CCDC154: variants seen among roughly 807,000 people sequenced by gnomAD.
CCDC154 encodes coiled-coil domain-containing protein 154.
CCDC154 carries 91 observed loss-of-function variants against 87.5 expected under a neutral mutation model. The ratio of observed to expected loss-of-function variants is 1.04; its 90% CI spans 0.88 to 1.24. The LOEUF is 1.24. CCDC154 is among the 50% of genes most tolerant of loss of function. The pLI is 0.00. For missense variants in CCDC154, 903 were observed against 879.2 expected, an observed-to-expected ratio of 1.03 and a Z score of -0.34; for synonymous variants, 418 against 400.4, an observed-to-expected ratio of 1.04 and a Z score of -0.52.
Position 1,436,701 on chromosome 16 carries a change from G to A in CCDC154, c.1401C>T (p.Leu467=), listed in dbSNP as rs1488672237. 1.9e-6 allele frequency: 3 copies of A among 1,550,060 alleles called. No individual in the cohort carries two copies. The highest frequency in any genetic ancestry group is 3.9e-5 in the Admixed American group (2 of 50,986). ...LRGVREKVDG[L]PQQIESVSDK... Reference sequence around the variant, plus strand: ...CTGTGCCTTCGCCCACCTGCTGGGGGAGGCCATCCACCTTCTCCCGCACCC... The same window carrying A: ...CTGTGCCTTCGCCCACCTGCTGGGGAAGGCCATCCACCTTCTCCCGCACCC... Residue 467 remains leucine (L), a synonymous_variant, in exon 12 of 17, where the codon CTC becomes CTT. Coordinates refer to ENST00000389176, the MANE Select transcript of CCDC154 (RefSeq NM_001143980.3).
At chr16:1,437,587 G>C (rs117699424) in intron 11 of CCDC154, 4 of 510,116 alleles carry the variant, frequency 7.8e-6, no homozygotes, top group Non-Finnish European at 1.3e-5. Context: ...GCTCCAGCTC[G>C]GGCCTCACGG....
chr16:1,436,225 G>A, intron 13 of CCDC154, 139 bp from the exon 14 acceptor site: 1 of 838,862 alleles, frequency 1.2e-6, no homozygotes, highest in Non-Finnish European at 1.8e-6. Context: ...CTCCAGTGGG[G>A]AAGGTGGGGG....
intron 11 of CCDC154, chr16:1,437,596 G>C (rs1173889136): frequency 1.9e-6 from 1 of 536,954 alleles, no homozygotes; most frequent in Admixed American, 3.6e-5. Context: ...CGGGCCTCAC[G>C]GGCTGCAGAT....
intron 6 of CCDC154, 29 bp downstream of exon 6, chr16:1,442,377 G>T: frequency 6.5e-7 from 1 of 1,528,636 alleles, no homozygotes; most frequent in South Asian, 1.2e-5. Context: ...CCTCTGGGCG[G>T]CCCCCCTGAA....
chr16:1,435,206 G>A, intron 14 of CCDC154, 31 bp from the exon 15 acceptor site: 1 of 1,540,256 alleles, frequency 6.5e-7, no homozygotes, highest in Non-Finnish European at 8.8e-7. Flanking sequence ...GGCACAGACA[G>A]GGCCAGTCTG....
rs747323607 is a variant in CCDC154, at chr16:1,437,793, G to A, written c.1290+24C>T. Reference sequence around the variant, plus strand: ...GTGGGGACTCCCCATAGCCCCGCCTGCCCCCGCCCGCTGCCTGGCGCACCT... The same window carrying A: ...GTGGGGACTCCCCATAGCCCCGCCTACCCCCGCCCGCTGCCTGGCGCACCT... On this transcript the variant is annotated intron_variant, in intron 11 of 16. Transcript: ENST00000389176. The A allele has an allele frequency of 2.2e-5, 33 of 1,516,650 alleles. No individual in the cohort carries two copies. In the South Asian group the frequency reaches 3.5e-4, roughly 16 times the overall value. The allele number at this position is 1,516,650 out of a possible 1,614,324, so 93.9% of individuals were successfully genotyped here. A position where few individuals can be genotyped will look rare whatever the true frequency, so the allele number is the denominator to read the frequency against.
In CCDC154 at chr16:1,436,486, C is replaced by T. The variant is rs1596202814; in HGVS notation, c.1446G>A (p.Lys482=). Reference sequence around the variant, plus strand: ...CGGAAATCCTGAGGTCTGAGTCGCTCTTATGAAGCAGGCACTTGTCGGAGA... The same window carrying T: ...CGGAAATCCTGAGGTCTGAGTCGCTTTTATGAAGCAGGCACTTGTCGGAGA... ...ESVSDKCLLH[K]SDSDLRISAE... is the part of the protein sequence containing the mutation. Residue 482 remains lysine, a synonymous_variant, in exon 13 of 17, where the codon AAG becomes AAA. Coordinates refer to ENST00000389176, the MANE Select transcript of CCDC154 (RefSeq NM_001143980.3). 7 of 1,549,162 alleles carry T rather than the reference C, an allele frequency of 4.5e-6. No homozygotes were observed. Among genetic ancestry groups the T allele is most frequent in the South Asian group, 1.2e-5 (1 of 84,062 alleles).
intron 6 of CCDC154, among the ~76,000 whole-genome samples, chr16:1,440,375 G>A (rs979810850): frequency 6.0e-5 from 9 of 150,824 alleles, no homozygotes; most frequent in South Asian, 2.1e-4. Context: ...GTGTGAACCC[G>A]GGAGGTGGGG....
chr16:1,435,551 G>A (rs2038493871), intron 14 of CCDC154, among the ~76,000 whole-genome samples: 1 of 152,158 alleles, frequency 6.6e-6, no homozygotes, highest in Non-Finnish European at 1.5e-5. Context: ...TTGAGATGGA[G>A]TTTCACTCTT....
rs764497898 is a variant in CCDC154 at position 1,435,978 on chromosome 16, C to T, written c.1596G>A (p.Lys532=). Residue 532 remains lysine, a synonymous_variant, in exon 14 of 17, where the codon AAG becomes AAA. Transcript: ENST00000389176. ...GCAGCCCCAGGACTACCGTGGCCAG[C>T]TTGCCCTGCATCTCCGCGATCTTCC... is the stretch of plus-strand genomic sequence containing the variant. ...PGRKIAEMQG[K]LATFQNQIMK... 97 of 1,549,928 alleles carry T rather than the reference C, an allele frequency of 6.3e-5. No homozygotes were observed. Among genetic ancestry groups the T allele is most frequent in the Non-Finnish European group, 8.3e-5 (95 of 1,146,814 alleles).
chr16:1,443,922 C>T lies in CCDC154; in HGVS notation c.98G>A (p.Gly33Asp). 7.7e-7 allele frequency: 1 copy of T among 1,304,006 alleles called. No homozygotes were observed. Among genetic ancestry groups the T allele is most frequent in the South Asian group, 1.2e-5 (1 of 81,032 alleles). The allele number at this position is 1,304,006 out of a possible 1,614,324, so 80.8% of individuals were successfully genotyped here. Residue 33 changes from glycine to aspartate, a missense_variant, in exon 2 of 17, where the codon GGC becomes GAC. Gly to Asp is a moderately conservative substitution (Grantham distance 94). Coordinates refer to ENST00000389176, the MANE Select transcript of CCDC154 (RefSeq NM_001143980.3). ...LEDLGLLLAGGLASPEPLSLE... is the reference protein window; with the variant it reads ...LEDLGLLLAGDLASPEPLSLE... ...GCTCAAGGGCTCGGGGCTGGCCAGG[C>T]CTCCTGCCAGGAGGAGCCCCAGGTC...
chr16:1,438,244 G>A, intron 9 of CCDC154, 68 bp from the exon 10 acceptor site: 2 of 1,440,402 alleles, frequency 1.4e-6, no homozygotes, highest in Non-Finnish European at 1.8e-6. Context: ...GGCCAGGGAG[G>A]GGAGCTTGGC....
Position 1,436,047 on chromosome 16 carries a change from C to T in CCDC154, c.1527G>A (p.Thr509=), listed in dbSNP as rs1011217602. The T allele has an allele frequency of 1.4e-5, 22 of 1,550,200 alleles. No homozygotes were observed. Among genetic ancestry groups the T allele is most frequent in the Non-Finnish European group, 1.8e-5 (21 of 1,146,894 alleles). ...KVGALRQELA[T]LLSSVQLLKE... is the part of the protein sequence containing the mutation. ...TTAGCAGCTGCACGGATGATAGTAG[C>T]GTGGCCAGCTCCTGCCGCAGGGCCC... The change falls in exon 14 of 17, where the codon ACG becomes ACA. Residue 509 remains threonine, a synonymous_variant. Coordinates refer to ENST00000389176, the MANE Select transcript of CCDC154 (RefSeq NM_001143980.3).
rs373067366 is a variant in CCDC154, at chr16:1,444,261, A to T, written c.7+55T>A. The T allele has an allele frequency of 6.6e-5, 86 of 1,293,866 alleles. No individual in the cohort carries two copies. The African/African-American group carries it at 1.2e-3, about 19-fold the overall frequency. 80.1% of individuals were successfully genotyped at this position (1,293,866 alleles called of 1,614,324 possible). On this transcript the variant is annotated intron_variant, in intron 1 of 16. Coordinates refer to ENST00000389176, the MANE Select transcript of CCDC154 (RefSeq NM_001143980.3). ...CGGGGTCAGAAGCAGAGCGGTCCCCACCCTCACACCTGTGGCAAGCCCCTC... is the reference window on the plus strand; with the variant it reads ...CGGGGTCAGAAGCAGAGCGGTCCCCTCCCTCACACCTGTGGCAAGCCCCTC...
intron 6 of CCDC154, 122 bp from the exon 7 acceptor site, chr16:1,439,248 G>C: frequency 3.4e-6 from 3 of 884,982 alleles, no homozygotes; most frequent in Non-Finnish European, 5.2e-6. Context: ...GAGCCCGGCT[G>C]AGCTGGGCCT....
Position 1,443,522 on chromosome 16 carries a change from T to G in CCDC154, c.398A>C (p.Glu133Ala). The G allele has an allele frequency of 1.4e-6, 2 of 1,474,778 alleles. No homozygotes were observed. Among genetic ancestry groups the G allele is most frequent in the Non-Finnish European group, 1.8e-6 (2 of 1,121,536 alleles). The allele number at this position is 1,474,778 out of a possible 1,614,324, so 91.4% of individuals were successfully genotyped here. Residue 133 changes from glutamate to alanine, a missense_variant, in exon 3 of 17, where the codon GAA becomes GCA. Physicochemically the swap from Glu to Ala is moderately radical, Grantham distance 107 (BLOSUM62 -1). Coordinates refer to ENST00000389176, the MANE Select transcript of CCDC154 (RefSeq NM_001143980.3). ...GCCGCTCACCTCCGGCGCCTCCTTT[T>G]CGGGGGCCTGGGCTGCCGGCCGCGC... ...QEARPAAQAP[E>A]KEAPEFSGLQ...
Position 1,439,105 on chromosome 16 carries a change from C to T in CCDC154, c.697G>A (p.Glu233Lys), listed in dbSNP as rs2038528701. 2 of 1,550,170 alleles carry T rather than the reference C, an allele frequency of 1.3e-6. No individual in the cohort carries two copies. The highest frequency in any genetic ancestry group is 8.7e-7 in the Non-Finnish European group (1 of 1,146,868). ...TTCAGGAAGCGCAGGCTCACCTCTTCGCCGAGCTTGGTCACCTGGGCCTGG... is the reference window on the plus strand; with the variant it reads ...TTCAGGAAGCGCAGGCTCACCTCTTTGCCGAGCTTGGTCACCTGGGCCTGG... ...RMQAQVTKLG[E>K]EVSLRFLKRE... The change falls in exon 7 of 17, where the codon GAA becomes AAA. Residue 233 changes from glutamate (E) to lysine (K), a missense_variant. Glu to Lys is a moderately conservative substitution (Grantham distance 56). Transcript: ENST00000389176.
At position 1,438,866 on chromosome 16, in the gene CCDC154, C is replaced by T. The variant is rs763635543; in HGVS notation, c.855G>A (p.Lys285=). The T allele has an allele frequency of 6.1e-5, 95 of 1,549,132 alleles. No individual in the cohort carries two copies. Among genetic ancestry groups the T allele is most frequent in the Non-Finnish European group, 6.9e-5 (79 of 1,146,604 alleles). Reference sequence around the variant, plus strand: ...GGCGCTCCTCCATCAGCCCCCGAAGCTTCTCCCACCGGCTCTCCAGCTCGC... The same window carrying T: ...GGCGCTCCTCCATCAGCCCCCGAAGTTTCTCCCACCGGCTCTCCAGCTCGC... ...LRGELESRWE[K]LRGLMEERLR... The change falls in exon 8 of 17, where the codon AAG becomes AAA. Residue 285 remains lysine, a synonymous_variant. Transcript: ENST00000389176.
rs1423596462 is a variant in CCDC154, at chr16:1,435,127, T to C, written c.1654A>G (p.Thr552Ala). The change falls in exon 15 of 17, where the codon ACC (threonine) becomes GCC (alanine). Residue 552 changes from threonine (T) to alanine (A), a missense_variant. By Grantham distance (58) the Thr-to-Ala change is moderately conservative. Coordinates refer to ENST00000389176, the MANE Select transcript of CCDC154 (RefSeq NM_001143980.3). The part of the protein sequence containing the change: ...KLENCVQANK[T>A]IQNLRFNTEA... ...GTGTTGAACCTGAGGTTCTGGATGG[T>C]CTTGTTGGCCTGGACGCAGTTTTCC... The C allele has an allele frequency of 9.7e-6, 15 of 1,550,212 alleles. No individual in the cohort carries two copies. Among genetic ancestry groups the C allele is most frequent in the Non-Finnish European group, 1.2e-5 (14 of 1,146,888 alleles).
Sources: allele counts gnomAD v4.1 joint callset (sites outside exome capture counted in the v4.1 genomes callset), GRCh38; gene constraint gnomAD v4.1.1; transcripts MANE v1.5; gene names NCBI Gene and HGNC (gene_info 2026-07-23, HGNC 2026-07-21).